DENND5A: variants seen among roughly 807,000 people sequenced by gnomAD.
DENND5A encodes DENN domain-containing protein 5A.
A neutral mutation model predicts 140.3 loss-of-function variants in DENND5A; 64 were observed. That is an observed-to-expected ratio of 0.46 (90% confidence interval 0.37 to 0.56). The LOEUF is 0.56. Ranked by LOEUF, DENND5A falls within the 20% of genes least tolerant of loss-of-function variation. The pLI, the probability that DENND5A is intolerant of heterozygous loss-of-function variation, is 0.00. For missense variants in DENND5A, 1,292 were observed against 1,593.8 expected (o/e 0.81, Z 3.22); for synonymous variants, 605 against 607.7 (o/e 1.00, Z 0.07).
chr11:9,235,657 C>CAA (rs1156298621), intron 1 of DENND5A, among the ~76,000 whole-genome samples: 5 of 94,006 alleles, frequency 5.3e-5, no homozygotes, highest in South Asian at 3.3e-4. Context: ...GACTCTGTCT[C>CAA]AAAAAAAAAA....
chr11:9,229,359 A>G (rs1850666380), intron 1 of DENND5A, among the ~76,000 whole-genome samples: 1 of 152,038 alleles, frequency 6.6e-6, no homozygotes. Context: ...TCAAAAAATG[A>G]TACCCCTAAG....
At chr11:9,174,474 T>C (rs1226790246) in intron 8 of DENND5A, among the ~76,000 whole-genome samples, 2 of 150,202 alleles carry the variant, frequency 1.3e-5, no homozygotes, top group Non-Finnish European at 3.0e-5. Context: ...ACAAAACAGA[T>C]TTCACAGTAA....
chr11:9,254,363 G>A lies in DENND5A; in HGVS notation c.109+10598C>T, dbSNP rs141394670. Among the ~76,000 whole-genome samples, 5 of 152,142 alleles carry A rather than the reference G, an allele frequency of 3.3e-5. No homozygotes were observed. The East Asian group carries it at 5.8e-4, about 18-fold the overall frequency. ...ACATCTCAAAATATGTATATATACA[G>A]AAATTTAGCTTGTATTTTAACTGCC... is the stretch of plus-strand genomic sequence containing the variant. On this transcript the variant is annotated intron_variant, in intron 1 of 22. Coordinates refer to ENST00000328194, the MANE Select transcript of DENND5A (RefSeq NM_015213.4).
At chr11:9,192,714 CA>C (rs762091963) in intron 5 of DENND5A, among the ~76,000 whole-genome samples, 1 of 151,954 alleles carries the variant, frequency 6.6e-6, no homozygotes, top group Non-Finnish European at 1.5e-5. Context: ...ATGGTGACAC[CA>C]GTGTATGTAT....
chr11:9,242,517 A>T (rs1390296664), intron 1 of DENND5A: 1 of 152,190 alleles, frequency 6.6e-6, no homozygotes, highest in African/African-American at 2.4e-5. Flanking sequence ...TCAATAACAC[A>T]AAAGTAGAAG....
intron 12 of DENND5A, among the ~76,000 whole-genome samples, chr11:9,159,534 T>C (rs945655407): frequency 6.6e-6 from 1 of 152,136 alleles, no homozygotes; most frequent in African/African-American, 2.4e-5. Flanking sequence ...ATCAAGCTGG[T>C]CTCAAACTCC....
At position 9,144,984 on chromosome 11, in the gene DENND5A, G is replaced by A. The variant is rs764074541; in HGVS notation, c.3122+11C>T. 2 of 1,583,248 alleles carry A rather than the reference G, an allele frequency of 1.3e-6. No individual in the cohort carries two copies. Among genetic ancestry groups the A allele is most frequent in the Non-Finnish European group, 1.7e-6 (2 of 1,152,046 alleles). On this transcript the variant is annotated intron_variant, in intron 18 of 22. Coordinates refer to ENST00000328194, the MANE Select transcript of DENND5A (RefSeq NM_015213.4). ...TTGCCCCTCTACCTTACAGCCTGAG[G>A]GTATACTTACTTGTAGGTATGTCCT...
intron 1 of DENND5A, among the ~76,000 whole-genome samples, chr11:9,222,902 T>G (rs1850370523): frequency 6.6e-6 from 1 of 152,232 alleles, no homozygotes. Context: ...CACAAGCTCT[T>G]GCTATAGCCT....
Position 9,139,457 on chromosome 11 carries a change from C to G in DENND5A, c.*214G>C. ...AGCGGCACCAGCCTCGCTCCCTCTC[C>G]CTATCACTCTTTCACATGAAAGTGT... On this transcript the variant is annotated 3_prime_UTR_variant, in exon 23 of 23. Transcript: ENST00000328194. 3.6e-6 allele frequency: 2 copies of G among 560,466 alleles called. No individual in the cohort carries two copies. Among genetic ancestry groups the G allele is most frequent in the Non-Finnish European group, 6.3e-6 (2 of 317,798 alleles). 34.7% of individuals were successfully genotyped at this position (560,466 alleles called of 1,614,324 possible).
At chr11:9,160,200 A>G (rs975921232) in intron 12 of DENND5A, among the ~76,000 whole-genome samples, 5 of 152,234 alleles carry the variant, frequency 3.3e-5, no homozygotes, top group Non-Finnish European at 7.3e-5. Flanking sequence ...CCAATTGAAA[A>G]CAGAGTATTT....
At position 9,147,010 on chromosome 11, in the gene DENND5A, G is replaced by A. The variant is rs1237989932; in HGVS notation, c.2857+20C>T. 1.2e-6 allele frequency: 2 copies of A among 1,613,822 alleles called. No individual in the cohort carries two copies. Among genetic ancestry groups the A allele is most frequent in the African/African-American group, 2.7e-5 (2 of 74,930 alleles). On this transcript the variant is annotated intron_variant, in intron 16 of 22. Transcript: ENST00000328194. Reference sequence around the variant, plus strand: ...AAAGACTGCCTTGAGAAGGCCAGCTGGGAGCACAGGGCTACTCACGGATAG... The same window carrying A: ...AAAGACTGCCTTGAGAAGGCCAGCTAGGAGCACAGGGCTACTCACGGATAG...
intron 1 of DENND5A, among the ~76,000 whole-genome samples, chr11:9,233,127 G>A (rs993032125): frequency 6.6e-6 from 1 of 152,278 alleles, no homozygotes; most frequent in South Asian, 2.1e-4. Flanking sequence ...ACAGCCAGTC[G>A]CAGGGGCTCA....
At chr11:9,173,479 G>A (rs1009719294) in intron 8 of DENND5A, among the ~76,000 whole-genome samples, 3 of 152,204 alleles carry the variant, frequency 2.0e-5, no homozygotes, top group Admixed American at 1.3e-4. Context: ...ACAATAGCAC[G>A]TCGGCTAGGA....
In DENND5A at chr11:9,163,248, G is replaced by A. The variant is rs192362873; in HGVS notation, c.2284-2383C>T. Among the ~76,000 whole-genome samples the A allele has an allele frequency of 5.4e-4, 82 of 152,182 alleles. No homozygotes were observed. The East Asian group carries it at 7.1e-3, about 13-fold the overall frequency. ...GACATGCTCCAAAAGTTTCTCTAGG[G>A]AATATACCTAGGAGAAGAATTACTA... On this transcript the variant is annotated intron_variant, in intron 11 of 22. Transcript: ENST00000328194.
intron 5 of DENND5A, among the ~76,000 whole-genome samples, chr11:9,190,364 T>C (rs1402629404): frequency 6.6e-6 from 1 of 152,046 alleles, no homozygotes; most frequent in Non-Finnish European, 1.5e-5. Flanking sequence ...TAAATTCCCA[T>C]GTGTTGTGTG....
rs1282800252 is a variant in DENND5A at position 9,160,775 on chromosome 11, G to C, written c.2374C>G (p.Leu792Val). 6.2e-7 allele frequency: 1 copy of C among 1,613,932 alleles called. No individual in the cohort carries two copies. Among genetic ancestry groups the C allele is most frequent in the Non-Finnish European group, 8.5e-7 (1 of 1,179,834 alleles). Residue 792 changes from leucine to valine, a missense_variant, in exon 12 of 23, where the codon CTG becomes GTG. This residue lies in a region of DENND5A where 498 missense variants were observed against 689.7 expected (regional missense o/e 0.72). Coordinates refer to ENST00000328194, the MANE Select transcript of DENND5A (RefSeq NM_015213.4). Reference sequence around the variant, plus strand: ...AGGAGATCACAAAGGCTGGCAATCAGGGTGTTCTCTTCCACCCCTGTGATG... The same window carrying C: ...AGGAGATCACAAAGGCTGGCAATCACGGTGTTCTCTTCCACCCCTGTGATG... ...VNITGVEENT[L>V]IASLCDLLER...
At chr11:9,170,153 A>C in intron 9 of DENND5A, 1 of 533,454 alleles carries the variant, frequency 1.9e-6, no homozygotes, top group Non-Finnish European at 2.4e-6. Context: ...TCCTCATGGA[A>C]CATGTCTCTC....
At chr11:9,227,169 AAAAT>A (rs540334549) in intron 1 of DENND5A, among the ~76,000 whole-genome samples, 45 of 145,820 alleles carry the variant, frequency 3.1e-4, no homozygotes, top group South Asian at 1.5e-3. Flanking sequence ...ACTCCATCTC[AAAAT>A]AAATAAATAA....
At chr11:9,158,989 G>A (rs966007302) in intron 12 of DENND5A, among the ~76,000 whole-genome samples, 1 of 152,128 alleles carries the variant, frequency 6.6e-6, no homozygotes, top group African/African-American at 2.4e-5. Context: ...CACTCCATAT[G>A]CATTAGTAGT....
Sources: gnomAD v4.1 joint callset for allele counts (sites outside exome capture counted in the v4.1 genomes callset) on GRCh38, gnomAD v4.1.1 for gene constraint, gnomAD v4.1.1 regional missense constraint, MANE v1.5 for transcripts, NCBI Gene and HGNC (gene_info 2026-07-23, HGNC 2026-07-21) for gene names.